FOXP1: variants seen among roughly 807,000 people sequenced by gnomAD.
FOXP1 encodes the protein forkhead box P1.
A neutral mutation model predicts 98.2 loss-of-function variants in FOXP1; 15 were observed. The ratio of observed to expected loss-of-function variants is 0.15; its 90% CI spans 0.10 to 0.24. FOXP1 has a LOEUF of 0.24. FOXP1 is among the 10% of genes least tolerant of loss of function. The probability of loss-of-function intolerance (pLI) is 1.00; values close to 1 mark genes in which losing one functional copy is unlikely to be tolerated. For missense variants in FOXP1, 633 were observed against 848.5 expected, an observed-to-expected ratio of 0.75 and a Z score of 3.15; for synonymous variants, 371 against 314.5, an observed-to-expected ratio of 1.18 and a Z score of -1.90.
intron 11 of FOXP1, among the ~76,000 whole-genome samples, chr3:71,019,596 G>A (rs535475423): frequency 2.0e-5 from 3 of 152,210 alleles, no homozygotes; most frequent in Admixed American, 6.5e-5. Flanking sequence ...TTGGGAGGCC[G>A]CAGTGTGTGG....
chr3:71,521,277 A>C (rs942933153), intron 2 of FOXP1, among the ~76,000 whole-genome samples: 2 of 152,206 alleles, frequency 1.3e-5, no homozygotes, highest in African/African-American at 4.8e-5. Flanking sequence ...CAGGCCTGTA[A>C]TCCCAGTACT....
chr3:71,365,774 A>G (rs2078883162), intron 3 of FOXP1, among the ~76,000 whole-genome samples: 1 of 152,162 alleles, frequency 6.6e-6, no homozygotes, highest in Non-Finnish European at 1.5e-5. Context: ...CACGAGGTCA[A>G]GAGATGGAGA....
intron 3 of FOXP1, among the ~76,000 whole-genome samples, chr3:71,483,986 A>G (rs73093438): frequency 0.027 from 4,060 of 152,302 alleles, 77 homozygotes; most frequent in Middle Eastern, 0.078. Context: ...TGGCCTCATT[A>G]TCCACCAGCT....
intron 2 of FOXP1, among the ~76,000 whole-genome samples, chr3:71,526,967 CAA>C (rs34141810): frequency 5.6e-4 from 35 of 62,230 alleles, no homozygotes; most frequent in Non-Finnish European, 4.9e-4. Context: ...AACTCCAACT[CAA>C]AAAAAAAAAA....
At chr3:71,069,024 G>T (rs1045601334) in intron 7 of FOXP1, among the ~76,000 whole-genome samples, 1 of 152,154 alleles carries the variant, frequency 6.6e-6, no homozygotes, top group Non-Finnish European at 1.5e-5. Flanking sequence ...TCCATCTACA[G>T]GGAGCTAAGG....
At position 70,972,509 on chromosome 3, in the gene FOXP1, A is replaced by G. The variant is rs770150486; in HGVS notation, c.1652+46T>C. ...CCAAAGCCTCTACGTTATACTTGTTAGCACAATCCAAGCTAGGCTAAGAAG... is the reference window on the plus strand; with the variant it reads ...CCAAAGCCTCTACGTTATACTTGTTGGCACAATCCAAGCTAGGCTAAGAAG... On this transcript the variant is annotated intron_variant, in intron 18 of 20. Coordinates refer to ENST00000649528, the MANE Select transcript of FOXP1 (RefSeq NM_001349338.3). The G allele has an allele frequency of 1.9e-6, 3 of 1,613,420 alleles. No individual in the cohort carries two copies. The South Asian group carries it at 3.3e-5, about 18-fold the overall frequency.
chr3:71,511,806 G>A (rs755884251), intron 2 of FOXP1, among the ~76,000 whole-genome samples: 2 of 152,130 alleles, frequency 1.3e-5, no homozygotes, highest in African/African-American at 2.4e-5. Context: ...AAACTTGAAT[G>A]GATAAATATA....
chr3:71,158,460 T>C (rs2060961956), intron 6 of FOXP1, among the ~76,000 whole-genome samples: 1 of 152,048 alleles, frequency 6.6e-6, no homozygotes, highest in African/African-American at 2.4e-5. Flanking sequence ...TCCTAAGGTA[T>C]GGATGACAAA....
At chr3:71,061,914 C>G (rs2051552904) in intron 7 of FOXP1, among the ~76,000 whole-genome samples, 1 of 152,186 alleles carries the variant, frequency 6.6e-6, no homozygotes, top group Non-Finnish European at 1.5e-5. Context: ...AACATAGTAA[C>G]TCAAACAACG....
intron 6 of FOXP1, among the ~76,000 whole-genome samples, chr3:71,150,437 T>A (rs989691738): frequency 2.0e-5 from 3 of 152,136 alleles, no homozygotes; most frequent in Non-Finnish European, 4.4e-5. Flanking sequence ...CACTTCTCTT[T>A]TTACCATGAT....
chr3:71,104,969 G>A (rs1223132198), intron 7 of FOXP1, among the ~76,000 whole-genome samples: 2 of 152,116 alleles, frequency 1.3e-5, no homozygotes, highest in African/African-American at 2.4e-5. Flanking sequence ...AATCATATAT[G>A]TGAGGCCCCC....
At chr3:70,967,147 A>G (rs969355998) in intron 19 of FOXP1, among the ~76,000 whole-genome samples, 1 of 152,232 alleles carries the variant, frequency 6.6e-6, no homozygotes, top group African/African-American at 2.4e-5. Flanking sequence ...TCTTTTCACA[A>G]GATGATCTGG....
At chr3:71,508,934 G>A (rs1482929668) in intron 2 of FOXP1, among the ~76,000 whole-genome samples, 1 of 152,166 alleles carries the variant, frequency 6.6e-6, no homozygotes. Context: ...GGATTGTGGT[G>A]AGGACAAAAG....
intron 5 of FOXP1, among the ~76,000 whole-genome samples, chr3:71,229,817 A>AAAC (rs367611144): frequency 2.6e-5 from 4 of 152,264 alleles, no homozygotes; most frequent in South Asian, 4.1e-4. Flanking sequence ...ACTGTCTAGT[A>AAAC]AACAACAACA....
chr3:71,550,802 A>G (rs1181392843), intron 2 of FOXP1, among the ~76,000 whole-genome samples: 2 of 152,178 alleles, frequency 1.3e-5, no homozygotes, highest in African/African-American at 4.8e-5. Flanking sequence ...CATTTATCAT[A>G]TTTATACCAC....
intron 19 of FOXP1, 66 bp downstream of exon 19, chr3:70,970,670 A>AT (rs1463135298): frequency 3.8e-5 from 46 of 1,211,190 alleles, no homozygotes; most frequent in Non-Finnish European, 5.3e-5. Context: ...CAAGGCTAAT[A>AT]TATTTTGAAA....
At chr3:71,417,974 T>G (rs2083338446) in intron 3 of FOXP1, among the ~76,000 whole-genome samples, 1 of 108,176 alleles carries the variant, frequency 9.2e-6, no homozygotes, top group Non-Finnish European at 2.2e-5. Context: ...GTTATCCTAG[T>G]TTTTTTTTTT....
intron 2 of FOXP1, among the ~76,000 whole-genome samples, chr3:71,537,534 G>C (rs1016795718): frequency 2.0e-5 from 3 of 152,178 alleles, no homozygotes; most frequent in African/African-American, 7.2e-5. Flanking sequence ...AGAAGGGGCT[G>C]GGCTGCCTTG....
chr3:71,184,461 G>C (rs1353370438), intron 6 of FOXP1, among the ~76,000 whole-genome samples: 1 of 152,164 alleles, frequency 6.6e-6, no homozygotes, highest in Non-Finnish European at 1.5e-5. Flanking sequence ...TGTAAATCTG[G>C]TGTTTACATT....
Sources: gnomAD v4.1 joint callset for allele counts (sites outside exome capture counted in the v4.1 genomes callset) on GRCh38, gnomAD v4.1.1 for gene constraint, MANE v1.5 for transcripts, NCBI Gene and HGNC (gene_info 2026-07-23, HGNC 2026-07-21) for gene names.